NLRP13: variants seen among roughly 807,000 people sequenced by gnomAD.
The protein encoded by NLRP13 is NLR family pyrin domain containing 13.
Under a neutral mutation model 94.4 loss-of-function variants are expected in NLRP13, and 82 were observed. The ratio of observed to expected loss-of-function variants is 0.87; its 90% CI spans 0.73 to 1.04. The LOEUF is 1.04. Among genes scored for constraint, NLRP13 ranks in the 50% least tolerant of loss-of-function variants. NLRP13 has a pLI of 0.00. For missense variants in NLRP13, 1,426 were observed against 1,230.8 expected, an observed-to-expected ratio of 1.16 and a Z score of -2.37; for synonymous variants, 553 against 464.7, an observed-to-expected ratio of 1.19 and a Z score of -2.45.
rs543526946 is a variant in NLRP13 at position 55,909,575 on chromosome 19, A to G, written c.2282+988T>C. On this transcript the variant is annotated intron_variant, in intron 6 of 10. Transcript: ENST00000342929. ...AAAAGTCCTAATTTATAGCTTTGCC[A>G]ATTTCTGTGGTGTAAATTCTCCAAG... Among the ~76,000 whole-genome samples the G allele has an allele frequency of 1.2e-3, 183 of 151,458 alleles. 4 individuals carry two copies. The highest frequency in any genetic ancestry group is 3.5e-3 in the African/African-American group (145 of 41,264).
chr19:55,905,448 T>A (rs1023501666), intron 7 of NLRP13, among the ~76,000 whole-genome samples: 11 of 150,232 alleles, frequency 7.3e-5, no homozygotes, highest in African/African-American at 2.7e-4. Flanking sequence ...TATATGTATA[T>A]ATATACATAT....
Position 55,931,718 on chromosome 19 carries a change from A to AGACAGAAAGAAAG in NLRP13, c.319+274_319+275insCTTTCTTTCTGTC. On this transcript the variant is annotated intron_variant, in intron 1 of 10. Coordinates refer to ENST00000342929, the MANE Select transcript of NLRP13 (RefSeq NM_176810.2). ...AGTGGAGACTCAGGCTCAAAAAAAA[A>AGACAGAAAGAAAG]AAAAAAAGAAAGAAAGAAAGAAAGA... Among the ~76,000 whole-genome samples the AGACAGAAAGAAAG allele has an allele frequency of 4.3e-3, 413 of 95,172 alleles. 18 individuals carry two copies. Among genetic ancestry groups the AGACAGAAAGAAAG allele is most frequent in the East Asian group, 7.9e-3 (23 of 2,926 alleles). The allele number at this position is 95,172 out of a possible 152,430, so 62.4% of individuals were successfully genotyped here.
At chr19:55,891,729 C>T (rs1985854878), downstream of NLRP13, 2 of 221,032 alleles carry the variant, frequency 9.0e-6, no homozygotes, top group East Asian at 9.6e-5. Context: ...CTCTCAACAC[C>T]TCCAAGAATT....
At chr19:55,898,960 AG>A (rs1227494326) in intron 9 of NLRP13, 23 bp from the exon 10 acceptor site, 10 of 1,602,514 alleles carry the variant, frequency 6.2e-6, no homozygotes, top group Non-Finnish European at 8.5e-6. Context: ...AACATACAAA[AG>A]GGGGGAAAGT....
chr19:55,912,260 G>T lies in NLRP13; in HGVS notation c.1557C>A (p.Phe519Leu), dbSNP rs200104443. ...AGTCATTGATCTTTTGAAGAATATTGAACTCGTAGAGAGAATCAATGAAAG... is the reference window on the plus strand; with the variant it reads ...AGTCATTGATCTTTTGAAGAATATTTAACTCGTAGAGAGAATCAATGAAAG... Reference protein sequence around the residue: ...EVPFIDSLYEFNILQKINDCG... With the variant: ...EVPFIDSLYELNILQKINDCG... The change falls in exon 5 of 11, where the codon TTC (phenylalanine) becomes TTA (leucine). Residue 519 changes from phenylalanine to leucine, a missense_variant. Coordinates refer to ENST00000342929, the MANE Select transcript of NLRP13 (RefSeq NM_176810.2). 1 of 1,613,938 alleles carries T rather than the reference G, an allele frequency of 6.2e-7. No individual in the cohort carries two copies. The highest frequency in any genetic ancestry group is 1.3e-5 in the African/African-American group (1 of 74,898).
chr19:55,903,228 G>A (rs1274634278), intron 8 of NLRP13, among the ~76,000 whole-genome samples: 1 of 152,074 alleles, frequency 6.6e-6, no homozygotes, highest in Non-Finnish European at 1.5e-5. Flanking sequence ...CACATTATGT[G>A]TGTGAATCAC....
intron 10 of NLRP13, 43 bp from the exon 11 acceptor site, chr19:55,896,162 G>A (rs1986003171): frequency 6.3e-7 from 1 of 1,595,830 alleles, no homozygotes; most frequent in Non-Finnish European, 8.5e-7. Context: ...AGTCCTCTGA[G>A]ACTGGGAAGT....
At chr19:55,926,736 C>T (rs989318612) in intron 1 of NLRP13, among the ~76,000 whole-genome samples, 1 of 152,112 alleles carries the variant, frequency 6.6e-6, no homozygotes, top group African/African-American at 2.4e-5. Context: ...AAATCTTGGC[C>T]TTGTCTTAAA....
Position 55,898,206 on chromosome 19 carries a change from G to GTTTT in NLRP13, c.2957+560_2957+563dup, listed in dbSNP as rs67273235. On this transcript the variant is annotated intron_variant, in intron 10 of 10. Transcript: ENST00000342929. ...ATCTAGCAGGAGAGTTTTTGTTTTTGTTTTTGTTTTTTTTTTTTTTGAGAT... is the reference window on the plus strand; with the variant it reads ...ATCTAGCAGGAGAGTTTTTGTTTTTGTTTTTTTTTGTTTTTTTTTTTTTTGAGAT... Among the ~76,000 whole-genome samples, 24 of 20,062 alleles carry GTTTT rather than the reference G, an allele frequency of 1.2e-3. 2 individuals carry two copies. The highest frequency in any genetic ancestry group is 6.6e-3 in the East Asian group (2 of 302). The allele number at this position is 20,062 out of a possible 152,430, so 13.2% of individuals were successfully genotyped here.
At chr19:55,902,976 CTG>C (rs1017044744) in intron 8 of NLRP13, among the ~76,000 whole-genome samples, 36 of 149,994 alleles carry the variant, frequency 2.4e-4, no homozygotes, top group East Asian at 2.3e-3. Flanking sequence ...ATATAAATAA[CTG>C]TAATATTAGT....
chr19:55,894,754 C>G (rs896652099), downstream of NLRP13, among the ~76,000 whole-genome samples: 28 of 152,300 alleles, frequency 1.8e-4, no homozygotes, highest in Admixed American at 5.2e-4. Flanking sequence ...TTGTTTCCCC[C>G]CTGTCTACCA....
At position 55,899,952 on chromosome 19, in the gene NLRP13, TG is replaced by T. The variant is rs1483787254; in HGVS notation, c.2790-1016del. Among the ~76,000 whole-genome samples, 179 of 40,236 alleles carry T rather than the reference TG, an allele frequency of 4.4e-3. 2 individuals carry two copies. Among genetic ancestry groups the T allele is most frequent in the African/African-American group, 0.034 (164 of 4,800 alleles). The allele number at this position is 40,236 out of a possible 152,430, so 26.4% of individuals were successfully genotyped here. A position where few individuals can be genotyped will look rare whatever the true frequency, so the allele number is the denominator to read the frequency against. On this transcript the variant is annotated intron_variant, in intron 9 of 10. Coordinates refer to ENST00000342929, the MANE Select transcript of NLRP13 (RefSeq NM_176810.2). The stretch of plus-strand genomic sequence containing the variant: ...AAAATCTCAGCAGGAATATAATTGT[TG>T]TTTTTTTTTTTTTTTGAGATCTATT...
chr19:55,896,873 GC>G (rs1986031619), intron 10 of NLRP13, among the ~76,000 whole-genome samples: 1 of 148,536 alleles, frequency 6.7e-6, no homozygotes, highest in South Asian at 2.2e-4. Context: ...CTTACTGCAT[GC>G]CGGGCACCTT....
intron 4 of NLRP13, among the ~76,000 whole-genome samples, chr19:55,918,253 C>CAAAA (rs34099048): frequency 5.7e-4 from 74 of 130,810 alleles, no homozygotes; most frequent in African/African-American, 2.0e-3. Context: ...TGTGATACAG[C>CAAAA]AAAAAAAAAA....
intron 1 of NLRP13, among the ~76,000 whole-genome samples, chr19:55,928,935 C>T (rs1407569407): frequency 6.6e-6 from 1 of 151,256 alleles, no homozygotes; most frequent in Non-Finnish European, 1.5e-5. Flanking sequence ...CTTAAATTTA[C>T]AAGAAAAAAA....
At chr19:55,918,077 G>A (rs1197435315) in intron 4 of NLRP13, among the ~76,000 whole-genome samples, 1 of 151,896 alleles carries the variant, frequency 6.6e-6, no homozygotes, top group East Asian at 1.9e-4. Context: ...TCAGACTACA[G>A]TGAAATAAAA....
intron 10 of NLRP13, among the ~76,000 whole-genome samples, chr19:55,896,591 G>A (rs1457575530): frequency 6.6e-6 from 1 of 151,228 alleles, no homozygotes; most frequent in Admixed American, 6.6e-5. Flanking sequence ...GGCTGAGGTG[G>A]GTGGATCACA....
chr19:55,901,061 G>T (rs191815935), intron 9 of NLRP13, among the ~76,000 whole-genome samples: 17 of 152,292 alleles, frequency 1.1e-4, no homozygotes, highest in African/African-American at 3.6e-4. Context: ...CTAATGGGCT[G>T]CCCTGGTAGA....
At position 55,903,932 on chromosome 19, in the gene NLRP13, G is replaced by A. The variant is rs144931782; in HGVS notation, c.2618+1010C>T. Among the ~76,000 whole-genome samples, 946 of 152,190 alleles carry A rather than the reference G, an allele frequency of 6.2e-3. 10 individuals are homozygous for A. The highest frequency in any genetic ancestry group is 9.8e-3 in the Non-Finnish European group (667 of 68,006). The stretch of plus-strand genomic sequence containing the variant: ...ATCTTTCAAAGTACGTCAGATTAAG[G>A]TAACATCCCACTTCCAATCCAAGGA... On this transcript the variant is annotated intron_variant, in intron 8 of 10. Coordinates refer to ENST00000342929, the MANE Select transcript of NLRP13 (RefSeq NM_176810.2).
Sources: allele counts gnomAD v4.1 joint callset (sites outside exome capture counted in the v4.1 genomes callset), GRCh38; gene constraint gnomAD v4.1.1; transcripts MANE v1.5; gene names NCBI Gene and HGNC (gene_info 2026-07-23, HGNC 2026-07-21).